LIPA: variants seen among roughly 807,000 people sequenced by gnomAD.
LIPA encodes the protein lipase A, lysosomal acid type.
LIPA carries 26 observed loss-of-function variants against 40.6 expected under a neutral mutation model. The ratio of observed to expected loss-of-function variants is 0.64; its 90% CI spans 0.47 to 0.89. The LOEUF (loss-of-function observed/expected upper bound fraction) is 0.89, where lower values mean the gene tolerates loss of function less well. LIPA is among the 40% of genes least tolerant of loss of function. The pLI is 0.00. For missense variants in LIPA, 455 were observed against 479.6 expected (o/e 0.95, Z 0.48); for synonymous variants, 188 against 168.4 (o/e 1.12, Z -0.90).
At chr10:89,250,906 A>G (rs1417802588) in intron 1 of LIPA, among the ~76,000 whole-genome samples, 1 of 152,186 alleles carries the variant, frequency 6.6e-6, no homozygotes. Context: ...GGCTGTATTA[A>G]CACCTTTATC....
chr10:89,403,669 G>A (rs201342263), intron 2 of LIPA: 11 of 1,605,394 alleles, frequency 6.9e-6, no homozygotes, highest in African/African-American at 6.7e-5. Context: ...CGGGCCCTGA[G>A]ACTGGCTGCT....
intron 3 of LIPA, among the ~76,000 whole-genome samples, chr10:89,231,152 G>A (rs961262618): frequency 6.6e-6 from 1 of 152,166 alleles, no homozygotes; most frequent in African/African-American, 2.4e-5. Context: ...CTAAATTACA[G>A]CTGTGCAAAA....
intron 2 of LIPA, among the ~76,000 whole-genome samples, chr10:89,396,780 G>A (rs1380146558): frequency 6.6e-6 from 1 of 152,162 alleles, no homozygotes; most frequent in African/African-American, 2.4e-5. Flanking sequence ...AACTTACTGG[G>A]TGAGAAGTGA....
At chr10:89,402,884 G>A in intron 2 of LIPA, 1 of 1,614,170 alleles carries the variant, frequency 6.2e-7, no homozygotes, top group Non-Finnish European at 8.5e-7. Context: ...CATTTTCTTT[G>A]CTTCCCCTAA....
At chr10:89,406,674 A>C (rs1165340022) in intron 2 of LIPA, among the ~76,000 whole-genome samples, 2 of 152,154 alleles carry the variant, frequency 1.3e-5, no homozygotes, top group Admixed American at 1.3e-4. Context: ...GCAAGACCAC[A>C]AACCCACCAG....
chr10:89,366,282 T>C (rs542292317), intron 2 of LIPA, among the ~76,000 whole-genome samples: 2 of 152,318 alleles, frequency 1.3e-5, no homozygotes, highest in African/African-American at 4.8e-5. Flanking sequence ...GCTTGTGATT[T>C]TTGCACATTG....
At chr10:89,272,274 A>G (rs1451590991) in intron 1 of LIPA, among the ~76,000 whole-genome samples, 4 of 151,890 alleles carry the variant, frequency 2.6e-5, no homozygotes, top group South Asian at 2.1e-4. Flanking sequence ...GTAAGCTCCA[A>G]TGTGCATTGT....
upstream of LIPA, among the ~76,000 whole-genome samples, chr10:89,347,647 G>A (rs1564797038): frequency 6.6e-6 from 1 of 152,146 alleles, no homozygotes; most frequent in African/African-American, 2.4e-5. Flanking sequence ...AATACATTCA[G>A]TATTTATCCT....
chr10:89,332,411 T>C, intron 1 of LIPA: 3 of 1,200,756 alleles, frequency 2.5e-6, no homozygotes, highest in Non-Finnish European at 3.3e-6. Context: ...CTGGCGTGAG[T>C]GAGCTCAGTT....
At chr10:89,386,254 C>T (rs1342825056) in intron 2 of LIPA, among the ~76,000 whole-genome samples, 2 of 152,102 alleles carry the variant, frequency 1.3e-5, no homozygotes, top group Non-Finnish European at 2.9e-5. Flanking sequence ...CTACTACAGG[C>T]CATGGAATTT....
rs567689946 is a variant in LIPA at position 89,391,676 on chromosome 10, C to T, written c.61+21115G>A. 1.9e-3 allele frequency among the ~76,000 whole-genome samples: 287 copies of T among 151,996 alleles called. 1 individual carries two copies. The highest frequency in any genetic ancestry group is 3.4e-3 in the Middle Eastern group (1 of 294). ...TCTCGAGTAGGTGGGACTACAGGTG[C>T]ACACCACCACACCCAGCTAATTTTT... On this transcript the variant is annotated intron_variant, in intron 2 of 8. Coordinates refer to the LIPA transcript ENST00000371837.
intron 1 of LIPA, chr10:89,338,413 T>C (rs9663530): frequency 0.016 from 6,683 of 415,144 alleles, 370 homozygotes; most frequent in African/African-American, 0.12. Flanking sequence ...TGCCTTTTTG[T>C]TCTATTAAGG....
intron 1 of LIPA, among the ~76,000 whole-genome samples, chr10:89,333,511 G>T (rs1045940842): frequency 2.6e-5 from 4 of 152,114 alleles, no homozygotes; most frequent in South Asian, 2.1e-4. Flanking sequence ...AGAGGCAGGA[G>T]GGGGGAGGGG....
At chr10:89,408,746 G>A (rs1327962298) in intron 2 of LIPA, among the ~76,000 whole-genome samples, 1 of 152,210 alleles carries the variant, frequency 6.6e-6, no homozygotes, top group Non-Finnish European at 1.5e-5. Flanking sequence ...CATGCTAGTG[G>A]TAGATCAAAC....
rs571410337 is a variant in LIPA at position 89,366,974 on chromosome 10, A to G, written c.61+45817T>C. Among the ~76,000 whole-genome samples, 172 of 152,300 alleles carry G rather than the reference A, an allele frequency of 1.1e-3. 2 individuals are homozygous for G. The highest frequency in any genetic ancestry group is 2.2e-3 in the Admixed American group (34 of 15,298). On this transcript the variant is annotated intron_variant, in intron 2 of 8. Transcript: ENST00000371837. ...GATTAAGAAAATGTGGCACATATAC[A>G]CCATGGAATACTATGCAGCCATAAA...
At chr10:89,228,617 G>A (rs1842801836) in intron 3 of LIPA, among the ~76,000 whole-genome samples, 2 of 152,144 alleles carry the variant, frequency 1.3e-5, no homozygotes, top group Admixed American at 6.5e-5. Flanking sequence ...TTTTTTGCAT[G>A]TCCACTAACA....
intron 3 of LIPA, among the ~76,000 whole-genome samples, chr10:89,244,683 A>C (rs1332391422): frequency 1.3e-5 from 2 of 152,216 alleles, no homozygotes; most frequent in Non-Finnish European, 2.9e-5. Flanking sequence ...CAGTCTGTCT[A>C]GAAATTCCTT....
At chr10:89,384,670 G>GT (rs1383504142) in intron 2 of LIPA, 4 of 1,614,120 alleles carry the variant, frequency 2.5e-6, no homozygotes, top group Non-Finnish European at 3.4e-6. Context: ...GAAAGGAGAA[G>GT]TAAGTGATGC....
intron 2 of LIPA, among the ~76,000 whole-genome samples, chr10:89,351,646 A>G (rs1222574690): frequency 6.6e-6 from 1 of 152,226 alleles, no homozygotes; most frequent in Non-Finnish European, 1.5e-5. Context: ...CTGGATTTCA[A>G]AGGAGACAGC....
Sources: allele counts gnomAD v4.1 joint callset (sites outside exome capture counted in the v4.1 genomes callset), GRCh38; gene constraint gnomAD v4.1.1; transcripts MANE v1.5; gene names NCBI Gene and HGNC (gene_info 2026-07-23, HGNC 2026-07-21).